FZD3: variants seen among roughly 807,000 people sequenced by gnomAD.
FZD3 encodes frizzled class receptor 3.
A neutral mutation model predicts 60.7 loss-of-function variants in FZD3; 30 were observed. That is an observed-to-expected ratio of 0.49 (90% CI 0.37 to 0.67). The LOEUF is 0.67. FZD3 is among the 30% of genes least tolerant of loss of function. FZD3 has a pLI of 0.00. For synonymous variants in FZD3, 246 were observed against 275.2 expected (o/e 0.89, Z 1.05); for missense variants, 605 against 838.7 (o/e 0.72, Z 3.44).
intron 3 of FZD3, among the ~76,000 whole-genome samples, chr8:28,509,626 C>T (rs1186844151): frequency 2.6e-5 from 4 of 152,130 alleles, no homozygotes; most frequent in African/African-American, 4.8e-5. Flanking sequence ...TGGCAACTAC[C>T]GTTTTACTTT....
In FZD3 at chr8:28,502,939, C is replaced by A; in HGVS notation, c.-75C>A. 2.2e-6 allele frequency: 2 copies of A among 902,878 alleles called. No homozygotes were observed. The highest frequency in any genetic ancestry group is 3.4e-6 in the Non-Finnish European group (2 of 581,196). The allele number at this position is 902,878 out of a possible 1,614,324, so 55.9% of individuals were successfully genotyped here. A position where few individuals can be genotyped will look rare whatever the true frequency, so the allele number is the denominator to read the frequency against. On this transcript the variant is annotated 5_prime_UTR_variant, in exon 3 of 8. Transcript: ENST00000240093. Reference sequence around the variant, plus strand: ...CAGAAGAAGTACCTTCGAGCTGAGACCTGCAGGTGTATAAATATCTAAAAT... The same window carrying A: ...CAGAAGAAGTACCTTCGAGCTGAGAACTGCAGGTGTATAAATATCTAAAAT...
At chr8:28,539,515 G>A (rs1805106426) in intron 5 of FZD3, among the ~76,000 whole-genome samples, 2 of 152,156 alleles carry the variant, frequency 1.3e-5, no homozygotes, top group Non-Finnish European at 2.9e-5. Flanking sequence ...TAACAGTAAA[G>A]GTTGCTAAGC....
chr8:28,533,226 A>T (rs966865347), intron 5 of FZD3, among the ~76,000 whole-genome samples: 1 of 150,190 alleles, frequency 6.7e-6, no homozygotes, highest in African/African-American at 2.5e-5. Context: ...TTTAGTAGAG[A>T]TGGGGTCTTG....
intron 3 of FZD3, among the ~76,000 whole-genome samples, chr8:28,514,655 C>A (rs577141752): frequency 6.6e-6 from 1 of 152,240 alleles, no homozygotes; most frequent in East Asian, 1.9e-4. Context: ...TTCTTTAGGT[C>A]TGGTTTCTTT....
intron 3 of FZD3, 27 bp from the exon 4 acceptor site, chr8:28,520,611 A>T: frequency 7.3e-7 from 1 of 1,373,228 alleles, no homozygotes; most frequent in Non-Finnish European, 1.0e-6. Flanking sequence ...CTCTTTAACT[A>T]ATTATTCAAT....
intron 7 of FZD3, 48 bp downstream of exon 7, chr8:28,556,019 C>A: frequency 8.3e-7 from 1 of 1,208,390 alleles, no homozygotes; most frequent in South Asian, 1.3e-5. Flanking sequence ...GAATTATGAC[C>A]ATACAGCTTA....
At chr8:28,521,380 T>A (rs553301037) in intron 4 of FZD3, among the ~76,000 whole-genome samples, 21 of 152,082 alleles carry the variant, frequency 1.4e-4, no homozygotes, top group Non-Finnish European at 2.5e-4. Context: ...GTGAGCATTA[T>A]TATTAATAAT....
chr8:28,507,616 T>TGAC (rs1164458784), intron 3 of FZD3, among the ~76,000 whole-genome samples: 2 of 152,214 alleles, frequency 1.3e-5, no homozygotes, highest in Non-Finnish European at 2.9e-5. Context: ...AACTTCTCAT[T>TGAC]GACTATTGGA....
At chr8:28,541,135 ATTCTCC>A (rs139908225) in intron 5 of FZD3, among the ~76,000 whole-genome samples, 33,915 of 151,732 alleles carry the variant, frequency 0.22, 4,905 homozygotes, top group Non-Finnish European at 0.31. Context: ...ATAATAATGT[ATTCTCC>A]TTCTTCTTTG....
rs74484950 is a variant in FZD3 at position 28,496,548 on chromosome 8, A to T, written c.-391+2205A>T. ...ATGATTTTAAAAATATGTACTGGAT[A>T]AATTATTCAGTATAGATTGGAGGAA... On this transcript the variant is annotated intron_variant, in intron 1 of 7. Coordinates refer to ENST00000240093, the MANE Select transcript of FZD3 (RefSeq NM_017412.4). 4.7e-3 allele frequency among the ~76,000 whole-genome samples: 714 copies of T among 152,316 alleles called. 25 individuals carry two copies. The East Asian group carries it at 0.09, about 19-fold the overall frequency.
chr8:28,544,873 G>GT (rs557310494), intron 5 of FZD3, among the ~76,000 whole-genome samples: 180 of 152,280 alleles, frequency 1.2e-3, no homozygotes, highest in African/African-American at 3.8e-3. Context: ...GAAGTCCAAG[G>GT]TTGAAGGGGC....
intron 3 of FZD3, among the ~76,000 whole-genome samples, chr8:28,514,801 T>A (rs1330546246): frequency 6.6e-6 from 1 of 152,220 alleles, no homozygotes; most frequent in Non-Finnish European, 1.5e-5. Flanking sequence ...GCCCACCAAG[T>A]AGGCCTGCTA....
chr8:28,543,244 C>T (rs541952218), intron 5 of FZD3, among the ~76,000 whole-genome samples: 10 of 152,266 alleles, frequency 6.6e-5, no homozygotes, highest in African/African-American at 1.9e-4. Context: ...GTATTACTTA[C>T]GTAAGTCACC....
chr8:28,540,684 C>T (rs1280066237), intron 5 of FZD3, among the ~76,000 whole-genome samples: 1 of 152,174 alleles, frequency 6.6e-6, no homozygotes, highest in Non-Finnish European at 1.5e-5. Context: ...GTGGCTTACA[C>T]CTGTAATCCT....
chr8:28,532,783 G>A (rs1488416705), intron 5 of FZD3, among the ~76,000 whole-genome samples: 1 of 152,068 alleles, frequency 6.6e-6, no homozygotes, highest in Admixed American at 6.6e-5. Flanking sequence ...ATTGTGTATG[G>A]ATTCTCTTAG....
chr8:28,533,688 A>C (rs1804935690), intron 5 of FZD3, among the ~76,000 whole-genome samples: 1 of 152,130 alleles, frequency 6.6e-6, no homozygotes, highest in East Asian at 1.9e-4. Context: ...TCCCCTCACA[A>C]AGCTGATGGA....
In FZD3 at chr8:28,573,783, T is replaced by C. The variant is rs1805847103; in HGVS notation, c.*10772T>C. 6.6e-6 allele frequency: 1 copy of C among 152,110 alleles called. No individual in the cohort carries two copies. The highest frequency in any genetic ancestry group is 6.6e-5 in the Admixed American group (1 of 15,246). The allele number at this position is 152,110 out of a possible 1,614,324, so 9.4% of individuals were successfully genotyped here. On this transcript the variant is annotated 3_prime_UTR_variant, in exon 8 of 8. Coordinates refer to ENST00000240093, the MANE Select transcript of FZD3 (RefSeq NM_017412.4). Reference sequence around the variant, plus strand: ...AAGGTAGAAAAAGTATTCCTTTTCATTATTCTAAAAAATATGTCATTTTTA... The same window carrying C: ...AAGGTAGAAAAAGTATTCCTTTTCACTATTCTAAAAAATATGTCATTTTTA...
chr8:28,495,921 C>G (rs1803832540), intron 1 of FZD3, among the ~76,000 whole-genome samples: 1 of 152,140 alleles, frequency 6.6e-6, no homozygotes, highest in Non-Finnish European at 1.5e-5. Context: ...TCTACCCTCT[C>G]TTTCCTCCTA....
chr8:28,508,458 C>T (rs554311659), intron 3 of FZD3, among the ~76,000 whole-genome samples: 28 of 143,456 alleles, frequency 2.0e-4, no homozygotes, highest in African/African-American at 7.2e-4. Context: ...AGGGAAAGTC[C>T]ATCATGAGTT....
Sources: allele counts gnomAD v4.1 joint callset (sites outside exome capture counted in the v4.1 genomes callset), GRCh38; gene constraint gnomAD v4.1.1; transcripts MANE v1.5; gene names NCBI Gene and HGNC (gene_info 2026-07-23, HGNC 2026-07-21).